The following SEMA6D variants were observed in gnomAD, a reference collection of about 807,000 sequenced individuals.
The protein encoded by SEMA6D is semaphorin-6D.
SEMA6D carries 35 observed loss-of-function variants against 106.6 expected under a neutral mutation model. The observed-to-expected ratio is 0.33, with a 90% CI of 0.25 to 0.44. The LOEUF (loss-of-function observed/expected upper bound fraction) is 0.44. SEMA6D is among the 20% of genes least tolerant of loss of function. The pLI is 1.00. For missense variants in SEMA6D, 1,185 were observed against 1,345.9 expected, an observed-to-expected ratio of 0.88 and a Z score of 1.87; for synonymous variants, 499 against 487.7, an observed-to-expected ratio of 1.02 and a Z score of -0.31.
chr15:47,714,231 A>C (rs1462687476), upstream of SEMA6D, among the ~76,000 whole-genome samples: 3 of 152,124 alleles, frequency 2.0e-5, no homozygotes, highest in Non-Finnish European at 2.9e-5. Context: ...ATTAACTACT[A>C]TTACAACTAA....
chr15:47,259,574 T>A (rs1034184689), intron 1 of SEMA6D, among the ~76,000 whole-genome samples: 8 of 152,092 alleles, frequency 5.3e-5, no homozygotes, highest in Non-Finnish European at 7.4e-5. Context: ...CAATAGGTAG[T>A]GTGTCATTTC....
rs1160685550 is a variant in SEMA6D at position 47,772,606 on chromosome 15, G to A, written c.*821G>A. 1 of 152,534 alleles carries A rather than the reference G, an allele frequency of 6.6e-6. No individual in the cohort carries two copies. Among genetic ancestry groups the A allele is most frequent in the African/African-American group, 2.4e-5 (1 of 41,402 alleles). 9.4% of individuals were successfully genotyped at this position (152,534 alleles called of 1,614,324 possible). A position where few individuals can be genotyped will look rare whatever the true frequency, so the allele number is the denominator to read the frequency against. The stretch of plus-strand genomic sequence containing the variant: ...CAATGCCAGAATGTAAGAGTTGCAA[G>A]TGATTTTGTGCTGCTATTCATTAAA... On this transcript the variant is annotated 3_prime_UTR_variant, in exon 19 of 19. Coordinates refer to ENST00000536845, the MANE Select transcript of SEMA6D (RefSeq NM_001358351.3).
intron 4 of SEMA6D, among the ~76,000 whole-genome samples, chr15:47,660,640 T>C (rs755130590): frequency 1.3e-5 from 2 of 152,208 alleles, no homozygotes; most frequent in Non-Finnish European, 2.9e-5. Flanking sequence ...CAGTATTTTA[T>C]AATATTTGAT....
chr15:47,682,753 A>G (rs1050630430), intron 4 of SEMA6D, among the ~76,000 whole-genome samples: 12 of 152,230 alleles, frequency 7.9e-5, no homozygotes, highest in African/African-American at 2.9e-4. Flanking sequence ...CCAAGTAATA[A>G]TATTCTAGTT....
intron 3 of SEMA6D, among the ~76,000 whole-genome samples, chr15:47,567,937 C>A (rs1269346971): frequency 1.3e-5 from 2 of 152,086 alleles, no homozygotes; most frequent in Non-Finnish European, 2.9e-5. Flanking sequence ...GAGCGAGAAA[C>A]CCACATGGCC....
At chr15:47,356,263 A>G (rs892500366) in intron 1 of SEMA6D, among the ~76,000 whole-genome samples, 2 of 152,234 alleles carry the variant, frequency 1.3e-5, no homozygotes, top group Admixed American at 6.5e-5. Flanking sequence ...ACAAATGGTA[A>G]TAACTACTAG....
intron 3 of SEMA6D, among the ~76,000 whole-genome samples, chr15:47,565,070 T>C (rs1422096769): frequency 1.3e-5 from 2 of 152,176 alleles, no homozygotes; most frequent in Admixed American, 6.5e-5. Flanking sequence ...TGTGACCTCA[T>C]TTTTCCTGGA....
chr15:47,611,144 TACATACAC>T (rs1350729895), intron 4 of SEMA6D, among the ~76,000 whole-genome samples: 2 of 112,536 alleles, frequency 1.8e-5, no homozygotes, highest in East Asian at 2.6e-4. Flanking sequence ...GCCACCGTCC[TACATACAC>T]ACACACACAC....
chr15:47,565,016 CT>C (rs1303303002), intron 3 of SEMA6D, among the ~76,000 whole-genome samples: 2 of 152,198 alleles, frequency 1.3e-5, no homozygotes, highest in African/African-American at 4.8e-5. Context: ...GCAACTTTCA[CT>C]GGCAATAAAA....
intron 4 of SEMA6D, among the ~76,000 whole-genome samples, chr15:47,684,894 C>T (rs74014042): frequency 0.014 from 2,177 of 152,178 alleles, 57 homozygotes; most frequent in African/African-American, 0.049. Context: ...GTATTCTATA[C>T]GCCAGGCTCA....
intron 1 of SEMA6D, among the ~76,000 whole-genome samples, chr15:47,340,899 G>C (rs1436922689): frequency 2.0e-5 from 3 of 152,152 alleles, no homozygotes; most frequent in African/African-American, 7.2e-5. Flanking sequence ...GTTAAGTGCT[G>C]AGATATTTAT....
At chr15:47,640,299 A>G (rs1236393842) in intron 4 of SEMA6D, among the ~76,000 whole-genome samples, 1 of 152,188 alleles carries the variant, frequency 6.6e-6, no homozygotes, top group Non-Finnish European at 1.5e-5. Flanking sequence ...AGCCCTGCAG[A>G]TGGGACTAAC....
chr15:47,666,957 G>A (rs1362423175), intron 4 of SEMA6D, among the ~76,000 whole-genome samples: 3 of 152,124 alleles, frequency 2.0e-5, no homozygotes, highest in African/African-American at 7.2e-5. Context: ...GAGGCCACTC[G>A]TAGATAATCC....
At chr15:47,387,332 A>G (rs2039874417) in intron 1 of SEMA6D, among the ~76,000 whole-genome samples, 1 of 152,236 alleles carries the variant, frequency 6.6e-6, no homozygotes, top group Non-Finnish European at 1.5e-5. Flanking sequence ...GGTCATGCTT[A>G]TACTCTGCTA....
chr15:47,638,214 A>C (rs1162893449), intron 4 of SEMA6D, among the ~76,000 whole-genome samples: 1 of 152,134 alleles, frequency 6.6e-6, no homozygotes. Flanking sequence ...ATGATGTGTG[A>C]TGATGCTGTC....
chr15:47,330,020 T>C (rs1373423979), intron 1 of SEMA6D, among the ~76,000 whole-genome samples: 1 of 152,232 alleles, frequency 6.6e-6, no homozygotes, highest in South Asian at 2.1e-4. Flanking sequence ...CTATTTATAA[T>C]GAGCATCTAT....
intron 1 of SEMA6D, among the ~76,000 whole-genome samples, chr15:47,388,266 T>A (rs967617795): frequency 6.6e-6 from 1 of 152,214 alleles, no homozygotes; most frequent in South Asian, 2.1e-4. Flanking sequence ...TATTCTTTTA[T>A]TTTTTTGGCT....
At chr15:47,414,591 A>G (rs2040901114) in intron 2 of SEMA6D, among the ~76,000 whole-genome samples, 1 of 152,190 alleles carries the variant, frequency 6.6e-6, no homozygotes, top group Admixed American at 6.6e-5. Context: ...GCTTTTTGTT[A>G]TCAAAAGTGA....
At chr15:47,261,172 G>A (rs1385747866) in intron 1 of SEMA6D, among the ~76,000 whole-genome samples, 1 of 152,012 alleles carries the variant, frequency 6.6e-6, no homozygotes, top group African/African-American at 2.4e-5. Context: ...TTTACTAACC[G>A]AGTTTTGCCT....
Sources: allele counts gnomAD v4.1 joint callset (sites outside exome capture counted in the v4.1 genomes callset), GRCh38; gene constraint gnomAD v4.1.1; transcripts MANE v1.5; gene names NCBI Gene and HGNC (gene_info 2026-07-23, HGNC 2026-07-21).